PAQR6: variants seen among roughly 807,000 people sequenced by gnomAD.
PAQR6 encodes progestin and adipoQ receptor family member 6, also known as membrane progestin receptor delta.
A neutral mutation model predicts 36.2 loss-of-function variants in PAQR6; 34 were observed. The observed-to-expected ratio is 0.94, with a 90% CI of 0.71 to 1.25. The LOEUF (loss-of-function observed/expected upper bound fraction) is 1.25, where lower values mean the gene tolerates loss of function less well. PAQR6 is among the 50% of genes most tolerant of loss of function. The pLI is 0.00. For synonymous variants in PAQR6, 190 were observed against 190.7 expected (o/e 1.00, Z 0.03); for missense variants, 431 against 445.7 (o/e 0.97, Z 0.30).
intron 5 of PAQR6, 42 bp downstream of exon 5, chr1:156,245,493 C>T: frequency 6.2e-7 from 1 of 1,607,850 alleles, no homozygotes; most frequent in Non-Finnish European, 8.5e-7. Flanking sequence ...TCTCCTGTGC[C>T]TCCGCCTTCC....
At position 156,245,867 on chromosome 1, in the gene PAQR6, G is replaced by C; in HGVS notation, c.300C>G (p.Cys100Trp). The change falls in exon 4 of 8, where the codon TGC (cysteine) becomes TGG (tryptophan). Residue 100 changes from cysteine (C) to tryptophan (W), a missense_variant. Transcript: ENST00000292291. ...GCGACATGGAGCTGAAGGTGTGCGC[G>C]CAGCACGACGCGAAGGGGTAGAGGC... ...PACLYPFASC[C>W]AHTFSSMSPR... 1 of 1,602,402 alleles carries C rather than the reference G, an allele frequency of 6.2e-7. No individual in the cohort carries two copies. Among genetic ancestry groups the C allele is most frequent in the Non-Finnish European group, 8.5e-7 (1 of 1,175,270 alleles).
intron 1 of PAQR6, among the ~76,000 whole-genome samples, chr1:156,247,326 G>C (rs1218409430): frequency 6.6e-6 from 1 of 152,162 alleles, no homozygotes; most frequent in East Asian, 1.9e-4. Flanking sequence ...CTGAGCCCAG[G>C]TATCCCTCAG....
Position 156,244,801 on chromosome 1 carries a change from G to A in PAQR6, c.720C>T (p.His240=). The A allele has an allele frequency of 6.2e-7, 1 of 1,613,684 alleles. No homozygotes were observed. The highest frequency in any genetic ancestry group is 1.3e-5 in the African/African-American group (1 of 75,070). The change falls in exon 7 of 8, where the codon CAC becomes CAT. Residue 240 remains histidine, a synonymous_variant. Transcript: ENST00000292291. Reference sequence around the variant, plus strand: ...GTCCTGGTGCCAGCCTTTCAGGCAGGTGGGAGGCGAAGAGGAAGCCAGTGA... The same window carrying A: ...GTCCTGGTGCCAGCCTTTCAGGCAGATGGGAGGCGAAGAGGAAGCCAGTGA... ...ALLTGFLFAS[H]LPERLAPGRF... is the part of the protein sequence containing the mutation.
rs760292418 is a variant in PAQR6 at position 156,248,014 on chromosome 1, C to T, written c.-83G>A. The T allele has an allele frequency of 3.0e-5, 14 of 463,952 alleles. No individual in the cohort carries two copies. The highest frequency in any genetic ancestry group is 2.8e-4 in the East Asian group (4 of 14,062). 28.7% of individuals were successfully genotyped at this position (463,952 alleles called of 1,614,324 possible). A position where few individuals can be genotyped will look rare whatever the true frequency, so the allele number is the denominator to read the frequency against. On this transcript the variant is annotated 5_prime_UTR_variant, in exon 1 of 8. Coordinates refer to ENST00000292291, the MANE Select transcript of PAQR6 (RefSeq NM_198406.3). ...GTCAACAGGCCCAGGGCTCCACGGG[C>T]GGAGTCCAAGGCTGCTGCCAGCCAG...
chr1:156,245,330 C>T, intron 5 of PAQR6, 92 bp from the exon 6 acceptor site: 1 of 1,396,918 alleles, frequency 7.2e-7, no homozygotes, highest in Non-Finnish European at 1.0e-6. Context: ...GATGGAATAT[C>T]AGCACAGCCT....
In PAQR6 at chr1:156,244,809, C is replaced by T. The variant is rs369560339; in HGVS notation, c.712G>A (p.Ala238Thr). 2.0e-5 allele frequency: 33 copies of T among 1,613,452 alleles called. No homozygotes were observed. Among genetic ancestry groups the T allele is most frequent in the South Asian group, 1.3e-4 (12 of 91,092 alleles). The change falls in exon 7 of 8, where the codon GCC becomes ACC. Residue 238 changes from alanine to threonine, a missense_variant. By Grantham distance (58) the Ala-to-Thr change is moderately conservative. Coordinates refer to ENST00000292291, the MANE Select transcript of PAQR6 (RefSeq NM_198406.3). ...FCALLTGFLFASHLPERLAPG... is the reference protein window; with the variant it reads ...FCALLTGFLFTSHLPERLAPG... ...GCCAGCCTTTCAGGCAGGTGGGAGG[C>T]GAAGAGGAAGCCAGTGAGCAGCGCG...
In PAQR6 at chr1:156,244,854, G is replaced by GGCTGGT; in HGVS notation, c.661_666dup (p.Thr221_Ser222dup). 17 of 1,613,410 alleles carry GGCTGGT rather than the reference G, an allele frequency of 1.1e-5. No individual in the cohort carries two copies. Among genetic ancestry groups the GGCTGGT allele is most frequent in the Non-Finnish European group, 1.4e-5 (17 of 1,180,014 alleles). On this transcript the variant is annotated inframe_insertion, in exon 7 of 8. Transcript: ENST00000292291. ...AGCGCGCAGAAGAGATGGTAGCCATGGCTGGTGCTCAGGGCCTCCTGCCCA... is the reference window on the plus strand; with the variant it reads ...AGCGCGCAGAAGAGATGGTAGCCATGGCTGGTGCTGGTGCTCAGGGCCTCCTGCCCA...
chr1:156,246,336 G>A, intron 2 of PAQR6, 86 bp from the exon 3 acceptor site: 1 of 1,302,872 alleles, frequency 7.7e-7, no homozygotes, highest in Non-Finnish European at 1.1e-6. Context: ...GGTCAAAGAG[G>A]CTGGGCTGGA....
chr1:156,244,483 T>C (rs1434048266), intron 7 of PAQR6, 80 bp from the exon 8 acceptor site: 3 of 1,411,384 alleles, frequency 2.1e-6, no homozygotes, highest in Middle Eastern at 2.3e-4. Flanking sequence ...TACTCCCCCA[T>C]AAATTGAGAA....
rs966150173 is a variant in PAQR6 at position 156,244,475 on chromosome 1, C to A, written c.761-72G>T. The A allele has an allele frequency of 2.9e-5, 41 of 1,419,560 alleles. No individual in the cohort carries two copies. The Middle Eastern group carries it at 1.3e-3, about 46-fold the overall frequency. The allele number at this position is 1,419,560 out of a possible 1,614,324, so 87.9% of individuals were successfully genotyped here. On this transcript the variant is annotated intron_variant, in intron 7 of 7. Coordinates refer to ENST00000292291, the MANE Select transcript of PAQR6 (RefSeq NM_198406.3). Reference sequence around the variant, plus strand: ...GTCACCCCATCCTCTGGGCCTGCTACTCCCCCATAAATTGAGAATAAGAAA... The same window carrying A: ...GTCACCCCATCCTCTGGGCCTGCTAATCCCCCATAAATTGAGAATAAGAAA...
In PAQR6 at chr1:156,247,994, C is replaced by G; in HGVS notation, c.-63G>C. The G allele has an allele frequency of 2.2e-6, 1 of 464,476 alleles. No homozygotes were observed. The highest frequency in any genetic ancestry group is 4.5e-6 in the Non-Finnish European group (1 of 223,808). The allele number at this position is 464,476 out of a possible 1,614,324, so 28.8% of individuals were successfully genotyped here. On this transcript the variant is annotated 5_prime_UTR_variant, in exon 1 of 8. Coordinates refer to ENST00000292291, the MANE Select transcript of PAQR6 (RefSeq NM_198406.3). ...GGGTGCTCCTAAGCTGGTGGGTCAACAGGCCCAGGGCTCCACGGGCGGAGT... is the reference window on the plus strand; with the variant it reads ...GGGTGCTCCTAAGCTGGTGGGTCAAGAGGCCCAGGGCTCCACGGGCGGAGT...
chr1:156,245,193 T>A lies in PAQR6; in HGVS notation c.558A>T (p.Thr186=), dbSNP rs758210260. 44 of 1,614,118 alleles carry A rather than the reference T, an allele frequency of 2.7e-5. No homozygotes were observed. Among genetic ancestry groups the A allele is most frequent in the Non-Finnish European group, 3.6e-5 (42 of 1,179,990 alleles). The change falls in exon 6 of 8, where the codon ACA becomes ACT. Residue 186 remains threonine (T), a synonymous_variant. Coordinates refer to ENST00000292291, the MANE Select transcript of PAQR6 (RefSeq NM_198406.3). ...ACAGGAATGGATAGGCGAAGGCTCC[T>A]GTGCGGAGGACCTTACTGAGCCCAG... The part of the protein sequence containing the change: ...ESPGLSKVLR[T]GAFAYPFLFD...
In PAQR6 at chr1:156,245,142, C is replaced by T; in HGVS notation, c.609G>A (p.Arg203=). Residue 203 remains arginine (R), a splice_region_variant and synonymous_variant, in exon 6 of 8, where the codon CGG becomes CGA. Transcript: ENST00000292291. ...GGGCAGGGGCCCTAGGCCTCCTTACCCGATAAAAGAGTGGGAGGTTGTCGA... is the reference window on the plus strand; with the variant it reads ...GGGCAGGGGCCCTAGGCCTCCTTACTCGATAAAAGAGTGGGAGGTTGTCGA... The part of the protein sequence containing the change: ...FLFDNLPLFY[R]LGLCWGRGHG... 6.2e-7 allele frequency: 1 copy of T among 1,613,474 alleles called. No individual in the cohort carries two copies. Among genetic ancestry groups the T allele is most frequent in the South Asian group, 1.1e-5 (1 of 91,054 alleles).
Position 156,245,863 on chromosome 1 carries a change from G to T in PAQR6, c.304C>A (p.His102Asn). 1 of 1,604,298 alleles carries T rather than the reference G, an allele frequency of 6.2e-7. No homozygotes were observed. Among genetic ancestry groups the T allele is most frequent in the South Asian group, 1.1e-5 (1 of 89,300 alleles). ...CGGGGCGACATGGAGCTGAAGGTGT[G>T]CGCGCAGCACGACGCGAAGGGGTAG... ...CLYPFASCCA[H>N]TFSSMSPRMR... is the part of the protein sequence containing the mutation. Residue 102 changes from histidine (H) to asparagine (N), a missense_variant, in exon 4 of 8, where the codon CAC becomes AAC. By Grantham distance (68) the His-to-Asn change is moderately conservative (BLOSUM62 1). Coordinates refer to ENST00000292291, the MANE Select transcript of PAQR6 (RefSeq NM_198406.3).
In PAQR6 at chr1:156,246,160, CGTT is replaced by C; in HGVS notation, c.139_141del (p.Asn47del). 2 of 1,613,352 alleles carry C rather than the reference CGTT, an allele frequency of 1.2e-6. No individual in the cohort carries two copies. Among genetic ancestry groups the C allele is most frequent in the African/African-American group, 1.3e-5 (1 of 75,044 alleles). On this transcript the variant is annotated inframe_deletion, in exon 3 of 8. Transcript: ENST00000292291. ...AAGTGAGTCCAGATGTTGACCGTCT[CGTT>C]GGTCATCTGGAAGGAGCTGAGGACA...
chr1:156,244,992 A>G, intron 6 of PAQR6, 81 bp from the exon 7 acceptor site: 1 of 1,593,620 alleles, frequency 6.3e-7, no homozygotes, highest in African/African-American at 1.3e-5. Context: ...GTGAGGACGC[A>G]GAGCGGGCGG....
At chr1:156,248,032 CCAGCCAGGCTGATGGAGGAAGAGTG>C in exon 1 of PAQR6, 1 of 462,986 alleles carries the variant, frequency 2.2e-6, no homozygotes, top group Non-Finnish European at 4.5e-6. Flanking sequence ...AAGGCTGCTG[CCAGCCAGGCTGATGGAGGAAGAGTG>C]GCCAGGCAGG....
Position 156,244,231 on chromosome 1 carries a change from G to T in PAQR6, c.933C>A (p.Leu311=). The T allele has an allele frequency of 6.2e-7, 1 of 1,613,890 alleles. No individual in the cohort carries two copies. Among genetic ancestry groups the T allele is most frequent in the South Asian group, 1.1e-5 (1 of 91,080 alleles). Residue 311 remains leucine (L), a synonymous_variant, in exon 8 of 8, where the codon CTC becomes CTA. Transcript: ENST00000292291. ...TLVLAAAGNL[L]IIAAFTATLL... The stretch of plus-strand genomic sequence containing the variant: ...GGGTGGCTGTGAAAGCAGCAATAAT[G>T]AGTAGGTTCCCAGCTGCAGCCAAGA...
intron 5 of PAQR6, 62 bp from the exon 6 acceptor site, chr1:156,245,300 G>T (rs1660209337): frequency 6.6e-7 from 1 of 1,510,952 alleles, no homozygotes; most frequent in African/African-American, 1.4e-5. Flanking sequence ...GTCAGAGAAA[G>T]GCAAGAGGAC....
Sources: allele counts gnomAD v4.1 joint callset (sites outside exome capture counted in the v4.1 genomes callset), GRCh38; gene constraint gnomAD v4.1.1; transcripts MANE v1.5; gene names NCBI Gene and HGNC (gene_info 2026-07-23, HGNC 2026-07-21).